SAMD12: variants seen among roughly 807,000 people sequenced by gnomAD.
SAMD12 encodes the protein sterile alpha motif domain containing 12, also known as sterile alpha motif domain-containing protein 12.
A neutral mutation model predicts 15.0 loss-of-function variants in SAMD12; 9 were observed. The observed-to-expected ratio is 0.60, with a 90% CI of 0.36 to 1.05. The LOEUF (loss-of-function observed/expected upper bound fraction) is 1.05. Among genes scored for constraint, SAMD12 ranks in the 50% least tolerant of loss-of-function variants. The pLI is 0.01. For synonymous variants in SAMD12, 86 were observed against 90.1 expected (o/e 0.96, Z 0.25); for missense variants, 230 against 234.2 (o/e 0.98, Z 0.12).
At chr8:118,137,926 A>ATTT in the SAMD12 span, among the ~76,000 whole-genome samples, 448 of 149,024 alleles carry the variant, frequency 3.0e-3, 2 homozygotes, top group African/African-American at 0.01. Context: ...ATGAGAAAGC[A>ATTT]TTTTTTTTTT....
At chr8:118,347,378 C>CATTCG (rs1817717737) in intron 4 of SAMD12, among the ~76,000 whole-genome samples, 1 of 152,126 alleles carries the variant, frequency 6.6e-6, no homozygotes, top group African/African-American at 2.4e-5. Context: ...GTGTGGGAAC[C>CATTCG]CTCCCAAAAC....
chr8:118,458,081 C>T (rs1277802874), intron 2 of SAMD12, among the ~76,000 whole-genome samples: 1 of 152,210 alleles, frequency 6.6e-6, no homozygotes, highest in Non-Finnish European at 1.5e-5. Flanking sequence ...ATTTGACAAA[C>T]ATCACCCAGA....
intron 2 of SAMD12, among the ~76,000 whole-genome samples, chr8:118,576,238 A>G (rs1827149089): frequency 6.6e-6 from 1 of 152,228 alleles, no homozygotes; most frequent in Admixed American, 6.5e-5. Context: ...TGTGGCTAGC[A>G]TGACCAAAGA....
chr8:118,578,161 A>C (rs1827197792), intron 2 of SAMD12, among the ~76,000 whole-genome samples: 1 of 152,112 alleles, frequency 6.6e-6, no homozygotes, highest in Non-Finnish European at 1.5e-5. Flanking sequence ...TTCCCTTTCT[A>C]CTTTAAAATA....
intron 2 of SAMD12, among the ~76,000 whole-genome samples, chr8:118,457,035 T>C (rs1250934048): frequency 6.6e-6 from 1 of 152,206 alleles, no homozygotes; most frequent in Admixed American, 6.5e-5. Flanking sequence ...ATAAATACAT[T>C]TATCTCACAT....
In SAMD12 at chr8:118,613,239, T is replaced by C. The variant is rs549651685; in HGVS notation, c.13+8565A>G. ...AGTTTAAAACCAATTTAAATACCAA[T>C]AAAAAATCATGAAAGAGTGAGAAAG... On this transcript the variant is annotated intron_variant, in intron 1 of 3. Transcript: ENST00000314727. Among the ~76,000 whole-genome samples, 4 of 152,088 alleles carry C rather than the reference T, an allele frequency of 2.6e-5. No homozygotes were observed. In the South Asian group the frequency reaches 8.3e-4, roughly 32 times the overall value.
At chr8:118,441,104 A>T (rs576698903) in intron 2 of SAMD12, among the ~76,000 whole-genome samples, 1 of 152,206 alleles carries the variant, frequency 6.6e-6, no homozygotes, top group South Asian at 2.1e-4. Context: ...ACCTGCTGAC[A>T]TGTGTGTTGT....
At chr8:118,421,908 T>C (rs1197874180) in intron 3 of SAMD12, among the ~76,000 whole-genome samples, 2 of 152,196 alleles carry the variant, frequency 1.3e-5, no homozygotes, top group Non-Finnish European at 2.9e-5. Flanking sequence ...GAAGATGATA[T>C]TCTGGGGCTT....
chr8:118,602,501 GCTAA>G (rs367766908), intron 1 of SAMD12, among the ~76,000 whole-genome samples: 61 of 152,276 alleles, frequency 4.0e-4, no homozygotes, highest in African/African-American at 1.3e-3. Context: ...CATTTCAACT[GCTAA>G]CTTTCTTAGA....
chr8:118,396,804 G>A (rs531912000), intron 3 of SAMD12, among the ~76,000 whole-genome samples: 3 of 152,266 alleles, frequency 2.0e-5, no homozygotes, highest in Admixed American at 6.5e-5. Context: ...AAACCAGTTC[G>A]GAACCTAGAG....
At chr8:118,495,531 A>T (rs1362967618) in intron 2 of SAMD12, among the ~76,000 whole-genome samples, 1 of 149,692 alleles carries the variant, frequency 6.7e-6, no homozygotes, top group Non-Finnish European at 1.5e-5. Flanking sequence ...GAAGATAATT[A>T]ATCTTCACTT....
chr8:118,490,222 C>A (rs978649549), intron 2 of SAMD12, among the ~76,000 whole-genome samples: 1 of 152,032 alleles, frequency 6.6e-6, no homozygotes, highest in African/African-American at 2.4e-5. Flanking sequence ...CAATTTTTCT[C>A]AATACAAGAT....
intron 1 of SAMD12, among the ~76,000 whole-genome samples, chr8:118,617,215 G>A (rs2460970): frequency 0.9 from 137,549 of 152,338 alleles, 62,175 homozygotes; most frequent in Middle Eastern, 0.97. Flanking sequence ...GCAGTTCTGA[G>A]TTCAAGTTGG....
At chr8:118,287,488 G>A (rs1814114663) in intron 4 of SAMD12, among the ~76,000 whole-genome samples, 1 of 152,172 alleles carries the variant, frequency 6.6e-6, no homozygotes, top group Non-Finnish European at 1.5e-5. Context: ...AAGAGCTAGG[G>A]CGAGTAAAGG....
At chr8:118,427,820 T>C (rs1822277760) in intron 3 of SAMD12, among the ~76,000 whole-genome samples, 1 of 152,222 alleles carries the variant, frequency 6.6e-6, no homozygotes, top group Non-Finnish European at 1.5e-5. Flanking sequence ...AATCATCTCA[T>C]AAGTTTGTGA....
the SAMD12 span, among the ~76,000 whole-genome samples, chr8:118,142,046 G>A: frequency 6.6e-6 from 1 of 152,100 alleles, no homozygotes; most frequent in African/African-American, 2.4e-5. Context: ...CGCAAATTTT[G>A]TGGCCCCAAC....
At chr8:118,391,847 C>T (rs1348615269) in intron 3 of SAMD12, among the ~76,000 whole-genome samples, 1 of 151,876 alleles carries the variant, frequency 6.6e-6, no homozygotes, top group Admixed American at 6.6e-5. Flanking sequence ...AATGTAAGAC[C>T]AGCAGGTATT....
rs540862075 is a variant in SAMD12 at position 118,416,917 on chromosome 8, T to C, written c.322+22915A>G. On this transcript the variant is annotated intron_variant, in intron 3 of 3. Transcript: ENST00000314727. Reference sequence around the variant, plus strand: ...CCAGATATTCCAGAGGGTTTTTTTTTCCATGTGAGCAAACTTGGGGAAAAA... The same window carrying C: ...CCAGATATTCCAGAGGGTTTTTTTTCCCATGTGAGCAAACTTGGGGAAAAA... 9.0e-4 allele frequency among the ~76,000 whole-genome samples: 137 copies of C among 152,324 alleles called. 1 individual carries two copies. The highest frequency in any genetic ancestry group is 3.2e-3 in the African/African-American group (132 of 41,570).
intron 2 of SAMD12, among the ~76,000 whole-genome samples, chr8:118,574,386 A>G (rs1444538201): frequency 6.6e-6 from 1 of 152,238 alleles, no homozygotes; most frequent in Non-Finnish European, 1.5e-5. Flanking sequence ...TCAGCATAAA[A>G]GAGTGAAAAG....
Sources: gnomAD v4.1 joint callset for allele counts (sites outside exome capture counted in the v4.1 genomes callset) on GRCh38, gnomAD v4.1.1 for gene constraint, MANE v1.5 for transcripts, NCBI Gene and HGNC (gene_info 2026-07-23, HGNC 2026-07-21) for gene names.